The following EML6 variants were observed in gnomAD, a reference collection of about 807,000 sequenced individuals.
EML6 encodes EMAP like 6, also known as echinoderm microtubule-associated protein-like 6.
Under a neutral mutation model 240.1 loss-of-function variants are expected in EML6, and 154 were observed. The observed-to-expected ratio is 0.64, with a 90% CI of 0.56 to 0.73. The LOEUF (loss-of-function observed/expected upper bound fraction) is 0.73. Among genes scored for constraint, EML6 ranks in the 30% least tolerant of loss-of-function variants. The probability of loss-of-function intolerance (pLI) is 0.00; values close to 1 mark genes in which losing one functional copy is unlikely to be tolerated. For synonymous variants in EML6, 1,148 were observed against 899.0 expected, an observed-to-expected ratio of 1.28 and a Z score of -4.95; for missense variants, 2,964 against 2,474.6, an observed-to-expected ratio of 1.20 and a Z score of -4.20.
At chr2:54,853,269 G>A (rs1475137329) in intron 10 of EML6, among the ~76,000 whole-genome samples, 1 of 152,048 alleles carries the variant, frequency 6.6e-6, no homozygotes, top group African/African-American at 2.4e-5. Context: ...TCTGTATCAA[G>A]GTAATTAAGT....
chr2:54,746,697 C>G (rs17046283), intron 2 of EML6, among the ~76,000 whole-genome samples: 1 of 151,906 alleles, frequency 6.6e-6, no homozygotes, highest in South Asian at 2.1e-4. Flanking sequence ...AGCTAGAAAA[C>G]GATTGATCTG....
At chr2:54,798,605 A>C (rs1669945964) in intron 2 of EML6, among the ~76,000 whole-genome samples, 3 of 152,190 alleles carry the variant, frequency 2.0e-5, no homozygotes, top group African/African-American at 7.2e-5. Context: ...CGGTACCTAC[A>C]AATTGATTTT....
chr2:54,791,020 C>G (rs956298220), intron 2 of EML6, among the ~76,000 whole-genome samples: 2 of 152,154 alleles, frequency 1.3e-5, no homozygotes, highest in Admixed American at 6.5e-5. Flanking sequence ...CCACCGCGCC[C>G]GGCCGGTAAC....
At chr2:54,802,501 C>T (rs893621321) in intron 2 of EML6, among the ~76,000 whole-genome samples, 2 of 151,906 alleles carry the variant, frequency 1.3e-5, no homozygotes, top group African/African-American at 4.8e-5. Flanking sequence ...GTGGCATGTG[C>T]CTATGGTCCC....
intron 37 of EML6, 70 bp from the exon 38 acceptor site, chr2:54,964,501 C>T: frequency 6.9e-6 from 10 of 1,449,842 alleles, no homozygotes; most frequent in Non-Finnish European, 2.8e-6. Flanking sequence ...CTGTCACAGA[C>T]CAGCCTTCGT....
chr2:54,960,975 A>T (rs959996428), intron 35 of EML6, among the ~76,000 whole-genome samples: 4 of 152,000 alleles, frequency 2.6e-5, no homozygotes, highest in Non-Finnish European at 4.4e-5. Context: ...CCAAACTTCT[A>T]TTGAATACCT....
chr2:54,756,405 A>G (rs1257956076), intron 2 of EML6, among the ~76,000 whole-genome samples: 2 of 152,178 alleles, frequency 1.3e-5, no homozygotes, highest in Admixed American at 1.3e-4. Flanking sequence ...AAATGTTAAC[A>G]TTTTAATGGA....
intron 28 of EML6, 107 bp from the exon 29 acceptor site, chr2:54,948,775 G>A: frequency 1.3e-6 from 1 of 790,922 alleles, no homozygotes; most frequent in Non-Finnish European, 2.1e-6. Flanking sequence ...GGCCTTTGAG[G>A]CGGGAGGAGA....
At chr2:54,964,378 C>T (rs1012689762) in intron 37 of EML6, among the ~76,000 whole-genome samples, 193 bp from the exon 38 acceptor site, 2 of 152,244 alleles carry the variant, frequency 1.3e-5, no homozygotes, top group African/African-American at 4.8e-5. Flanking sequence ...TGTCATTCTA[C>T]ATATTTCCCG....
In EML6 at chr2:54,813,269, G is replaced by C; in HGVS notation, c.235G>C (p.Gly79Arg). The C allele has an allele frequency of 6.4e-7, 1 of 1,550,738 alleles. No individual in the cohort carries two copies. Among genetic ancestry groups the C allele is most frequent in the Non-Finnish European group, 8.7e-7 (1 of 1,146,474 alleles). The change falls in exon 3 of 42, where the codon GGC (glycine) becomes CGC (arginine). Residue 79 changes from glycine (G) to arginine (R), a missense_variant. Coordinates refer to ENST00000356458, the MANE Select transcript of EML6 (RefSeq NM_001039753.4). ...LHPDKTLVAT[G>R]QVGKEPYICI... ...CCCAGACAAAACTCTCGTTGCAACTGGCCAAGTCGGGAAGGAGCCATATAT... is the reference window on the plus strand; with the variant it reads ...CCCAGACAAAACTCTCGTTGCAACTCGCCAAGTCGGGAAGGAGCCATATAT...
At chr2:54,869,010 C>T in intron 14 of EML6, 171 bp from the exon 15 acceptor site, 1 of 517,878 alleles carries the variant, frequency 1.9e-6, no homozygotes, top group Non-Finnish European at 3.4e-6. Flanking sequence ...AGAGTCATCT[C>T]ATGCCCTCAG....
intron 41 of EML6, among the ~76,000 whole-genome samples, chr2:54,969,213 G>C (rs1320379992): frequency 6.6e-6 from 1 of 152,170 alleles, no homozygotes; most frequent in Non-Finnish European, 1.5e-5. Context: ...ATAGAGTATA[G>C]AGGAACAGGT....
At chr2:54,965,767 G>T (rs189911744) in intron 38 of EML6, among the ~76,000 whole-genome samples, 1 of 152,192 alleles carries the variant, frequency 6.6e-6, no homozygotes, top group African/African-American at 2.4e-5. Flanking sequence ...TATCTCAAGC[G>T]CTGAATTTAG....
intron 2 of EML6, among the ~76,000 whole-genome samples, chr2:54,794,855 C>G (rs1055089132): frequency 7.9e-5 from 12 of 152,204 alleles, no homozygotes; most frequent in Admixed American, 5.9e-4. Context: ...GAATTTGTAG[C>G]TTCAGTAGGT....
intron 7 of EML6, among the ~76,000 whole-genome samples, chr2:54,841,122 C>G (rs541123186): frequency 2.0e-5 from 3 of 152,356 alleles, no homozygotes; most frequent in African/African-American, 7.2e-5. Flanking sequence ...GCAACAGGAT[C>G]ATGGGCGCAA....
At chr2:54,834,206 C>G (rs1035765078) in intron 7 of EML6, among the ~76,000 whole-genome samples, 13 of 152,176 alleles carry the variant, frequency 8.5e-5, no homozygotes, top group African/African-American at 3.1e-4. Context: ...GGCCCAGGGT[C>G]ATTAGCATCA....
intron 28 of EML6, among the ~76,000 whole-genome samples, chr2:54,946,011 C>A (rs1286554058): frequency 6.6e-6 from 1 of 152,224 alleles, no homozygotes; most frequent in Non-Finnish European, 1.5e-5. Flanking sequence ...AAGCCCCAGG[C>A]TGGAGTTCAC....
Position 54,829,469 on chromosome 2 carries a change from G to T in EML6, c.839G>T (p.Gly280Val), listed in dbSNP as rs1472625007. 7 of 1,551,048 alleles carry T rather than the reference G, an allele frequency of 4.5e-6. No individual in the cohort carries two copies. In the African/African-American group the frequency reaches 9.6e-5, roughly 21 times the overall value. The change falls in exon 7 of 42, where the codon GGA becomes GTA. Residue 280 changes from glycine (G) to valine (V), a missense_variant. Coordinates refer to ENST00000356458, the MANE Select transcript of EML6 (RefSeq NM_001039753.4). ...ATTGATCTCAGGGAGACAGAACAAG[G>T]ATACAAAGGTAATATATGTGTTAAG... ...TKIDLRETEQGYKGLSIRSVC... is the reference protein window; with the variant it reads ...TKIDLRETEQVYKGLSIRSVC...
chr2:54,956,747 C>T (rs551462884), intron 32 of EML6, among the ~76,000 whole-genome samples: 13 of 152,062 alleles, frequency 8.5e-5, no homozygotes, highest in African/African-American at 2.9e-4. Context: ...GTCATAAAAA[C>T]AAATGCGAAG....
Sources: gnomAD v4.1 joint callset for allele counts (sites outside exome capture counted in the v4.1 genomes callset) on GRCh38, gnomAD v4.1.1 for gene constraint, MANE v1.5 for transcripts, NCBI Gene and HGNC (gene_info 2026-07-23, HGNC 2026-07-21) for gene names.